The following EML4 variants were observed in gnomAD, a reference collection of about 807,000 sequenced individuals.
EML4 encodes EMAP like 4.
Under a neutral mutation model 129.0 loss-of-function variants are expected in EML4, and 72 were observed. That is an observed-to-expected ratio of 0.56 (90% CI 0.46 to 0.68). The LOEUF (loss-of-function observed/expected upper bound fraction) is 0.68, where lower values mean the gene tolerates loss of function less well. Ranked by LOEUF, EML4 falls within the 30% of genes least tolerant of loss-of-function variation. The pLI is 0.00. For missense variants in EML4, 1,363 were observed against 1,190.6 expected (o/e 1.14, Z -2.13); for synonymous variants, 532 against 405.0 (o/e 1.31, Z -3.77).
At chr2:42,204,688 T>A (rs987012809) in intron 1 of EML4, among the ~76,000 whole-genome samples, 5 of 152,212 alleles carry the variant, frequency 3.3e-5, no homozygotes, top group African/African-American at 1.2e-4. Context: ...AGATTTGGCT[T>A]GTGGGCGGTA....
chr2:42,175,035 T>C (rs1009870848), intron 1 of EML4, among the ~76,000 whole-genome samples: 1 of 152,132 alleles, frequency 6.6e-6, no homozygotes, highest in African/African-American at 2.4e-5. Context: ...CAGGCTGGTC[T>C]TGAACTCCTG....
At chr2:42,224,942 A>C (rs768627597) in intron 1 of EML4, among the ~76,000 whole-genome samples, 1 of 151,882 alleles carries the variant, frequency 6.6e-6, no homozygotes, top group Non-Finnish European at 1.5e-5. Context: ...GGTAACCTCT[A>C]TTCTCTCTTC....
At chr2:42,329,642 A>T in intron 22 of EML4, 92 bp from the exon 23 acceptor site, 1 of 1,015,856 alleles carries the variant, frequency 9.8e-7, no homozygotes, top group Non-Finnish European at 1.5e-6. Context: ...TCACAAGCTG[A>T]GTTTACCCCC....
chr2:42,201,577 T>A (rs930486579), intron 1 of EML4, among the ~76,000 whole-genome samples: 5 of 152,102 alleles, frequency 3.3e-5, no homozygotes, highest in Non-Finnish European at 5.9e-5. Flanking sequence ...TTTTTCACAA[T>A]AGCAAGGATA....
At chr2:42,311,703 G>T (rs1354213522) in intron 17 of EML4, among the ~76,000 whole-genome samples, 1 of 152,076 alleles carries the variant, frequency 6.6e-6, no homozygotes, top group Non-Finnish European at 1.5e-5. Context: ...TCTCTAAAAA[G>T]GCACTTGGCA....
At chr2:42,247,934 A>G (rs1675519315) in intron 2 of EML4, among the ~76,000 whole-genome samples, 1 of 152,148 alleles carries the variant, frequency 6.6e-6, no homozygotes, top group African/African-American at 2.4e-5. Context: ...ATAATAGAAA[A>G]TGATAACGAT....
At chr2:42,283,445 C>T (rs1397760803) in intron 8 of EML4, among the ~76,000 whole-genome samples, 1 of 147,182 alleles carries the variant, frequency 6.8e-6, no homozygotes, top group African/African-American at 2.4e-5. Context: ...AATGTGAGAA[C>T]TCCTTTTAAA....
intron 1 of EML4, among the ~76,000 whole-genome samples, chr2:42,229,712 TAGTA>T (rs954163020): frequency 2.6e-5 from 4 of 151,992 alleles, no homozygotes; most frequent in Admixed American, 1.3e-4. Context: ...TTATAAAAAA[TAGTA>T]AGAGGAAAAC....
intron 19 of EML4, among the ~76,000 whole-genome samples, chr2:42,324,986 C>T (rs981227323): frequency 1.3e-5 from 2 of 152,120 alleles, no homozygotes. Context: ...TCTAGGATAC[C>T]TCCATAGACC....
chr2:42,170,791 A>G (rs1410321964), intron 1 of EML4, among the ~76,000 whole-genome samples: 2 of 152,216 alleles, frequency 1.3e-5, no homozygotes, highest in African/African-American at 4.8e-5. Context: ...TTTCTTGATA[A>G]TAAGTCTCTA....
chr2:42,330,131 C>CAT lies in EML4; in HGVS notation c.2871_2872dup (p.Cys958TyrfsTer5). 6.2e-7 allele frequency: 1 copy of CAT among 1,612,038 alleles called. No individual in the cohort carries two copies. On this transcript the variant is annotated frameshift_variant, in exon 23 of 23. Coordinates refer to ENST00000318522, the MANE Select transcript of EML4 (RefSeq NM_019063.5). LOFTEE classifies it high-confidence loss of function. ...CTTGGTGAGCCTCTTTATGAAGAGCCATGCAACGAGATAAGCAAGGAGCAG... is the reference window on the plus strand; with the variant it reads ...CTTGGTGAGCCTCTTTATGAAGAGCCATATGCAACGAGATAAGCAAGGAGCAG...
intron 17 of EML4, among the ~76,000 whole-genome samples, chr2:42,308,486 G>C (rs1262980241): frequency 6.6e-6 from 1 of 152,072 alleles, no homozygotes; most frequent in Non-Finnish European, 1.5e-5. Context: ...CACCAGCCTG[G>C]GCACTGTCTC....
At chr2:42,296,003 TTTCC>T (rs1428616681) in intron 13 of EML4, among the ~76,000 whole-genome samples, 1 of 152,166 alleles carries the variant, frequency 6.6e-6, no homozygotes, top group Non-Finnish European at 1.5e-5. Flanking sequence ...TCAAATCAGT[TTTCC>T]TAAAAAACAC....
chr2:42,331,550 T>C lies in EML4; in HGVS notation c.*1343T>C. The C allele has an allele frequency of 8.9e-6, 2 of 223,644 alleles. No homozygotes were observed. The highest frequency in any genetic ancestry group is 1.8e-5 in the Non-Finnish European group (2 of 111,784). 13.9% of individuals were successfully genotyped at this position (223,644 alleles called of 1,614,324 possible). ...TGTTTTGATTTTTTAACTTGCTGCA[T>C]TGTTTTGATACTTTCTATTTTTTTG... On this transcript the variant is annotated 3_prime_UTR_variant, in exon 23 of 23. Transcript: ENST00000318522.
intron 13 of EML4, among the ~76,000 whole-genome samples, chr2:42,299,850 G>C (rs951708740): frequency 6.6e-6 from 1 of 152,036 alleles, no homozygotes; most frequent in Non-Finnish European, 1.5e-5. Flanking sequence ...CATCATGCCC[G>C]GCTAATTTTG....
At chr2:42,280,823 C>T in intron 6 of EML4, 27 bp from the exon 7 acceptor site, 1 of 1,578,422 alleles carries the variant, frequency 6.3e-7, no homozygotes, top group Non-Finnish European at 8.6e-7. Context: ...ATACGTATGA[C>T]TTAACTTTTG....
chr2:42,305,721 A>T (rs2103739041), intron 17 of EML4, among the ~76,000 whole-genome samples: 1 of 152,332 alleles, frequency 6.6e-6, no homozygotes, highest in South Asian at 2.1e-4. Flanking sequence ...ACATGAAGTC[A>T]ATTTTCCCAA....
intron 1 of EML4, among the ~76,000 whole-genome samples, chr2:42,218,928 A>G (rs1457332330): frequency 2.0e-5 from 3 of 152,168 alleles, no homozygotes; most frequent in African/African-American, 7.2e-5. Flanking sequence ...CCTCGCAAGC[A>G]GCTAGGAATA....
intron 1 of EML4, among the ~76,000 whole-genome samples, chr2:42,170,689 C>G (rs1294695407): frequency 1.3e-5 from 2 of 152,196 alleles, no homozygotes; most frequent in Non-Finnish European, 2.9e-5. Flanking sequence ...TCAGCTTTGG[C>G]TGATAACGCA....
Sources: gnomAD v4.1 joint callset for allele counts (sites outside exome capture counted in the v4.1 genomes callset) on GRCh38, gnomAD v4.1.1 for gene constraint, MANE v1.5 for transcripts, NCBI Gene and HGNC (gene_info 2026-07-23, HGNC 2026-07-21) for gene names.